The following SREBF2 variants were observed in gnomAD, a reference collection of about 807,000 sequenced individuals.
SREBF2 encodes sterol regulatory element binding transcription factor 2, also known as sterol regulatory element-binding protein 2.
Under a neutral mutation model 113.1 loss-of-function variants are expected in SREBF2, and 55 were observed. That is an observed-to-expected ratio of 0.49 (90% CI 0.39 to 0.61). SREBF2 has a LOEUF of 0.61. Among genes scored for constraint, SREBF2 ranks in the 20% least tolerant of loss-of-function variants. SREBF2 has a pLI of 0.00. For synonymous variants in SREBF2, 593 were observed against 605.7 expected, an observed-to-expected ratio of 0.98 and a Z score of 0.31; for missense variants, 1,349 against 1,487.4, an observed-to-expected ratio of 0.91 and a Z score of 1.53.
chr22:41,898,700 G>C lies in SREBF2; in HGVS notation c.2657G>C (p.Ser886Thr). Residue 886 changes from serine to threonine, a missense_variant, in exon 15 of 19, where the codon AGC (serine) becomes ACC (threonine). Physicochemically the swap from Ser to Thr is moderately conservative, Grantham distance 58. Around this residue, in one of 2 missense-constraint regions of SREBF2, gnomAD observed 650 missense variants for 644.1 expected, o/e 1.01. Transcript: ENST00000361204. Reference protein sequence around the residue: ...WWTSAITVAISWLQGDDAAVR... With the variant: ...WWTSAITVAITWLQGDDAAVR... ...ACGTCTGCAATCACTGTGGCCATCA[G>C]CTGGCTCCAGGGAGACGATGCAGCT... The C allele has an allele frequency of 1.2e-6, 2 of 1,614,102 alleles. No homozygotes were observed. The highest frequency in any genetic ancestry group is 1.3e-5 in the African/African-American group (1 of 75,038).
intron 17 of SREBF2, 50 bp downstream of exon 17, chr22:41,903,205 C>T (rs1246108807): frequency 9.7e-6 from 15 of 1,539,298 alleles, no homozygotes; most frequent in Non-Finnish European, 1.3e-5. Flanking sequence ...CCTGTGGGGC[C>T]TGAGCCCAGA....
At chr22:41,859,799 C>CT (rs1174473976) in intron 1 of SREBF2, among the ~76,000 whole-genome samples, 5,843 of 54,394 alleles carry the variant, frequency 0.11, 1,843 homozygotes, top group East Asian at 0.31. Flanking sequence ...TATGGTGATT[C>CT]TTTTTTTTTT....
chr22:41,849,578 C>T (rs2076908138), intron 1 of SREBF2, among the ~76,000 whole-genome samples: 1 of 152,140 alleles, frequency 6.6e-6, no homozygotes, highest in Admixed American at 6.6e-5. Context: ...ATAGTAGGAT[C>T]TCAGTTAATG....
chr22:41,894,730 G>A, intron 12 of SREBF2, 90 bp from the exon 13 acceptor site: 1 of 1,082,772 alleles, frequency 9.2e-7, no homozygotes, highest in Non-Finnish European at 1.4e-6. Context: ...CATTCACAAG[G>A]CATGGCTGTG....
chr22:41,845,255 C>A (rs534729774), intron 1 of SREBF2, among the ~76,000 whole-genome samples: 63 of 152,122 alleles, frequency 4.1e-4, no homozygotes, highest in Non-Finnish European at 7.6e-4. Context: ...GCCCATTTTC[C>A]ATGGACATAG....
intron 13 of SREBF2, 63 bp downstream of exon 13, chr22:41,895,000 C>T (rs943060326): frequency 5.3e-5 from 69 of 1,294,330 alleles, no homozygotes; most frequent in Non-Finnish European, 6.9e-5. Context: ...TCCAGGACAG[C>T]CTGAAGGCCT....
chr22:41,891,793 G>C (rs1456853633), intron 11 of SREBF2, among the ~76,000 whole-genome samples: 1 of 152,206 alleles, frequency 6.6e-6, no homozygotes, highest in Non-Finnish European at 1.5e-5. Context: ...CCTGTCTTCT[G>C]TCCTCAGTTC....
intron 1 of SREBF2, among the ~76,000 whole-genome samples, chr22:41,843,191 G>A (rs2148343441): frequency 6.6e-6 from 1 of 152,338 alleles, no homozygotes; most frequent in South Asian, 2.1e-4. Context: ...ACATTGAGAT[G>A]CATTGATGTT....
chr22:41,885,876 C>A (rs958235591), intron 11 of SREBF2: 1 of 152,244 alleles, frequency 6.6e-6, no homozygotes, highest in Non-Finnish European at 1.5e-5. Flanking sequence ...AGGTACATCA[C>A]GATAGTCTAG....
In SREBF2 at chr22:41,875,321, T is replaced by A; in HGVS notation, c.1090-16T>A. 6.2e-7 allele frequency: 1 copy of A among 1,609,192 alleles called. No homozygotes were observed. The highest frequency in any genetic ancestry group is 8.5e-7 in the Non-Finnish European group (1 of 1,175,728). On this transcript the variant is annotated splice_polypyrimidine_tract_variant and intron_variant, in intron 5 of 18. Transcript: ENST00000361204. ...TGCACTGGTCTCACTGTGTTTTCAC[T>A]CATCTTCCTACCCAGATGCACAAGT...
chr22:41,850,411 A>G lies in SREBF2; in HGVS notation c.89-16420A>G, dbSNP rs2076917342. Reference sequence around the variant, plus strand: ...GGCTGCAGTGAGCCGAGATGGTGCCACTGCACTCCAGCCTGGCAACAGAGC... The same window carrying G: ...GGCTGCAGTGAGCCGAGATGGTGCCGCTGCACTCCAGCCTGGCAACAGAGC... On this transcript the variant is annotated intron_variant, in intron 1 of 18. Coordinates refer to ENST00000361204, the MANE Select transcript of SREBF2 (RefSeq NM_004599.4). Among the ~76,000 whole-genome samples the G allele has an allele frequency of 2.0e-5, 3 of 151,784 alleles. No homozygotes were observed. The East Asian group carries it at 5.8e-4, about 30-fold the overall frequency.
At chr22:41,858,627 AC>A (rs1276888187) in intron 1 of SREBF2, among the ~76,000 whole-genome samples, 2 of 151,994 alleles carry the variant, frequency 1.3e-5, no homozygotes, top group African/African-American at 4.8e-5. Flanking sequence ...GTGTGCCTGT[AC>A]TCCCAGCTAC....
chr22:41,838,682 C>G (rs1211498707), intron 1 of SREBF2, among the ~76,000 whole-genome samples: 3 of 152,056 alleles, frequency 2.0e-5, no homozygotes, highest in Non-Finnish European at 4.4e-5. Context: ...GCAGTGAACC[C>G]AGATTGTGCC....
In SREBF2 at chr22:41,880,828, G is replaced by T. The variant is rs1313349659; in HGVS notation, c.1874G>T (p.Arg625Leu). The change falls in exon 10 of 19, where the codon CGC becomes CTC. Residue 625 changes from arginine (R) to leucine (L), a missense_variant. Around this residue, in one of 2 missense-constraint regions of SREBF2, gnomAD observed 699 missense variants for 843.3 expected, o/e 0.83. Coordinates refer to ENST00000361204, the MANE Select transcript of SREBF2 (RefSeq NM_004599.4). ...TGCAGCCTCTCCTGGAACGTGATCC[G>T]CTACAGCCTGCAGAAGCTACGCCTG... ...LACSLSWNVI[R>L]YSLQKLRLVR... 1.2e-6 allele frequency: 2 copies of T among 1,614,136 alleles called. No individual in the cohort carries two copies. The highest frequency in any genetic ancestry group is 4.5e-5 in the East Asian group (2 of 44,886).
At chr22:41,895,007 G>A (rs1463191459) in intron 13 of SREBF2, 70 bp downstream of exon 13, 19 of 1,224,548 alleles carry the variant, frequency 1.6e-5, no homozygotes, top group East Asian at 9.5e-5. Flanking sequence ...CAGCCTGAAG[G>A]CCTGCACTCC....
chr22:41,857,257 A>G (rs1004146582), intron 1 of SREBF2, among the ~76,000 whole-genome samples: 2 of 152,116 alleles, frequency 1.3e-5, no homozygotes, highest in Admixed American at 1.3e-4. Context: ...GGAAAAAGAA[A>G]GAGCAATGGA....
At chr22:41,877,570 A>G (rs933596554) in intron 8 of SREBF2, 149 bp downstream of exon 8, 1 of 961,492 alleles carries the variant, frequency 1.0e-6, no homozygotes, top group African/African-American at 1.6e-5. Flanking sequence ...AGGGACTGGC[A>G]TAAGTTCCAT....
intron 1 of SREBF2, among the ~76,000 whole-genome samples, chr22:41,846,025 G>A (rs748108947): frequency 5.9e-5 from 9 of 152,214 alleles, no homozygotes; most frequent in Admixed American, 1.3e-4. Flanking sequence ...TGAGTGAACA[G>A]CCATTTTGAA....
At chr22:41,903,529 T>C (rs1359116725) in intron 17 of SREBF2, among the ~76,000 whole-genome samples, 1 of 152,204 alleles carries the variant, frequency 6.6e-6, no homozygotes, top group East Asian at 1.9e-4. Context: ...ACGTTGACTT[T>C]CATTCTTTTT....
Sources: gnomAD v4.1 joint callset for allele counts (sites outside exome capture counted in the v4.1 genomes callset) on GRCh38, gnomAD v4.1.1 for gene constraint, gnomAD v4.1.1 regional missense constraint, MANE v1.5 for transcripts, NCBI Gene and HGNC (gene_info 2026-07-23, HGNC 2026-07-21) for gene names.